Variants in CCDC149 observed in about 807,000 individuals in gnomAD.
CCDC149 encodes the protein coiled-coil domain-containing protein 149.
In CCDC149, 45 loss-of-function variants were observed where a neutral mutation model predicts 59.9. That is an observed-to-expected ratio of 0.75 (90% CI 0.59 to 0.96). CCDC149 has a LOEUF of 0.96. Among genes scored for constraint, CCDC149 ranks in the 40% least tolerant of loss-of-function variants. The pLI is 0.00. For missense variants in CCDC149, 584 were observed against 664.7 expected (o/e 0.88, Z 1.33); for synonymous variants, 245 against 260.6 (o/e 0.94, Z 0.58).
chr4:24,849,965 C>G (rs1438472340), intron 4 of CCDC149, among the ~76,000 whole-genome samples: 1 of 152,226 alleles, frequency 6.6e-6, no homozygotes, highest in Non-Finnish European at 1.5e-5. Flanking sequence ...TGACCCTCTG[C>G]TCTCTCCACA....
At position 24,853,190 on chromosome 4, in the gene CCDC149, C is replaced by A; in HGVS notation, c.265-11G>T. Reference sequence around the variant, plus strand: ...TTGTGCAAGATTAGCCTAGAAATATCAACACATTATGAAATACAATCAGAA... The same window carrying A: ...TTGTGCAAGATTAGCCTAGAAATATAAACACATTATGAAATACAATCAGAA... On this transcript the variant is annotated splice_polypyrimidine_tract_variant and intron_variant, in intron 3 of 12. Coordinates refer to ENST00000635206, the MANE Select transcript of CCDC149 (RefSeq NM_001330643.2). 6.4e-7 allele frequency: 1 copy of A among 1,558,864 alleles called. No homozygotes were observed. The highest frequency in any genetic ancestry group is 1.1e-5 in the South Asian group (1 of 89,910).
chr4:24,913,673 A>C (rs960555380), upstream of CCDC149, among the ~76,000 whole-genome samples: 3 of 152,212 alleles, frequency 2.0e-5, no homozygotes, highest in Non-Finnish European at 2.9e-5. Context: ...GTGGCATTCC[A>C]TGGCTCATGC....
At position 24,844,602 on chromosome 4, in the gene CCDC149, G is replaced by A. The variant is rs140204413; in HGVS notation, c.373-6330C>T. ...AGCCTGGTCAACATGGTGAAACTCCGTCTCAACTAAAAATACAAAAACTAA... is the reference window on the plus strand; with the variant it reads ...AGCCTGGTCAACATGGTGAAACTCCATCTCAACTAAAAATACAAAAACTAA... On this transcript the variant is annotated intron_variant, in intron 4 of 12. Coordinates refer to ENST00000635206, the MANE Select transcript of CCDC149 (RefSeq NM_001330643.2). Among the ~76,000 whole-genome samples the A allele has an allele frequency of 1.1e-4, 16 of 152,010 alleles. No individual in the cohort carries two copies. The South Asian group carries it at 2.3e-3, about 22-fold the overall frequency.
intron 4 of CCDC149, among the ~76,000 whole-genome samples, chr4:24,839,523 A>G (rs1461571223): frequency 6.6e-6 from 1 of 152,202 alleles, no homozygotes; most frequent in Non-Finnish European, 1.5e-5. Flanking sequence ...CATGAATTTC[A>G]TAATATGCCT....
At chr4:24,818,373 G>A (rs1020017395) in intron 12 of CCDC149, among the ~76,000 whole-genome samples, 13 of 152,220 alleles carry the variant, frequency 8.5e-5, no homozygotes, top group Non-Finnish European at 2.9e-5. Context: ...ATGGAACCTT[G>A]TGGGGGAAAA....
intron 3 of CCDC149, among the ~76,000 whole-genome samples, chr4:24,867,647 A>C (rs1213652090): frequency 6.6e-6 from 1 of 152,226 alleles, no homozygotes; most frequent in Non-Finnish European, 1.5e-5. Context: ...ATGAAATTGA[A>C]TGCAAATTTT....
At chr4:24,861,946 G>T (rs1248123547) in intron 3 of CCDC149, among the ~76,000 whole-genome samples, 1 of 152,124 alleles carries the variant, frequency 6.6e-6, no homozygotes, top group Non-Finnish European at 1.5e-5. Flanking sequence ...GCAGGAAGAA[G>T]AGTTCTCTAC....
At chr4:24,858,043 G>A (rs1718136777) in intron 3 of CCDC149, among the ~76,000 whole-genome samples, 1 of 152,124 alleles carries the variant, frequency 6.6e-6, no homozygotes, top group Non-Finnish European at 1.5e-5. Flanking sequence ...AAAAAAGAAA[G>A]TAGTACATTT....
rs550195041 is a variant in CCDC149 at position 24,890,207 on chromosome 4, T to G, written c.64-13510A>C. 7.9e-5 allele frequency among the ~76,000 whole-genome samples: 12 copies of G among 152,318 alleles called. No homozygotes were observed. The South Asian group carries it at 2.5e-3, about 32-fold the overall frequency. On this transcript the variant is annotated intron_variant, in intron 1 of 12. Coordinates refer to ENST00000635206, the MANE Select transcript of CCDC149 (RefSeq NM_001330643.2). ...TTCAGTTTTCTTTTCTATAATGATA[T>G]GAACAGCCAGCAGCATTTTGAAGCC...
intron 1 of CCDC149, among the ~76,000 whole-genome samples, chr4:24,965,790 T>A (rs1723777532): frequency 6.6e-6 from 1 of 152,192 alleles, no homozygotes; most frequent in African/African-American, 2.4e-5. Flanking sequence ...AAAGCTGCGC[T>A]CTAGTCAGGA....
At chr4:24,876,815 T>C in intron 1 of CCDC149, 118 bp from the exon 2 acceptor site, 1 of 998,764 alleles carries the variant, frequency 1.0e-6, no homozygotes, top group Non-Finnish European at 1.4e-6. Context: ...TTAGAGCTCA[T>C]GTGCCGAGAG....
At chr4:24,881,329 C>T (rs1395278231) in intron 1 of CCDC149, among the ~76,000 whole-genome samples, 2 of 152,150 alleles carry the variant, frequency 1.3e-5, no homozygotes, top group Non-Finnish European at 2.9e-5. Context: ...CTGCTTTGCC[C>T]GATAAAATGG....
chr4:24,872,564 T>C (rs1214668311), intron 3 of CCDC149, among the ~76,000 whole-genome samples: 1 of 128,682 alleles, frequency 7.8e-6, no homozygotes, highest in East Asian at 2.4e-4. Flanking sequence ...ATGCACCCAC[T>C]GAATGGTATG....
chr4:24,876,510 G>T (rs199833916), intron 2 of CCDC149, 26 bp downstream of exon 2: 1 of 1,583,094 alleles, frequency 6.3e-7, no homozygotes, highest in Admixed American at 1.8e-5. Flanking sequence ...CAGGAAAGTC[G>T]CTGAACAGGG....
chr4:24,963,046 A>G (rs1723687665), intron 1 of CCDC149, among the ~76,000 whole-genome samples: 1 of 152,140 alleles, frequency 6.6e-6, no homozygotes, highest in African/African-American at 2.4e-5. Flanking sequence ...GAGGTGGACT[A>G]ACACCTGAAA....
intron 9 of CCDC149, chr4:24,830,336 T>G (rs1716059084): frequency 6.6e-6 from 1 of 152,224 alleles, no homozygotes; most frequent in African/African-American, 2.4e-5. Flanking sequence ...CAACTGCATT[T>G]CAGCATCTGA....
intron 1 of CCDC149, among the ~76,000 whole-genome samples, chr4:24,955,131 G>A (rs924991129): frequency 2.0e-5 from 3 of 152,134 alleles, no homozygotes; most frequent in Admixed American, 6.6e-5. Context: ...TTATGGAGAA[G>A]AAAAGTTTAT....
intron 1 of CCDC149, among the ~76,000 whole-genome samples, chr4:24,952,595 CAAA>C (rs869310845): frequency 2.7e-4 from 11 of 41,402 alleles, no homozygotes; most frequent in South Asian, 1.8e-3. Context: ...AACTCCATCT[CAAA>C]AAAAAAAAAA....
chr4:24,877,535 T>C (rs1427538997), intron 1 of CCDC149, among the ~76,000 whole-genome samples: 1 of 152,092 alleles, frequency 6.6e-6, no homozygotes, highest in Non-Finnish European at 1.5e-5. Flanking sequence ...TTAAAAATAA[T>C]TGAACCATAA....
Sources: gnomAD v4.1 joint callset for allele counts (sites outside exome capture counted in the v4.1 genomes callset) on GRCh38, gnomAD v4.1.1 for gene constraint, MANE v1.5 for transcripts, NCBI Gene and HGNC (gene_info 2026-07-23, HGNC 2026-07-21) for gene names.